Variants in ABHD12 observed in about 807,000 individuals in gnomAD.
ABHD12 encodes abhydrolase domain containing 12, lysophospholipase.
Under a neutral mutation model 58.3 loss-of-function variants are expected in ABHD12, and 43 were observed. That is an observed-to-expected ratio of 0.74 (90% CI 0.58 to 0.95). The LOEUF is 0.95. ABHD12 is among the 40% of genes least tolerant of loss of function. ABHD12 has a pLI of 0.00. For missense variants in ABHD12, 539 were observed against 537.2 expected (o/e 1.00, Z -0.03); for synonymous variants, 219 against 211.2 (o/e 1.04, Z -0.32).
At chr20:25,305,042 T>C (rs1379284609) in intron 10 of ABHD12, among the ~76,000 whole-genome samples, 1 of 152,074 alleles carries the variant, frequency 6.6e-6, no homozygotes, top group Non-Finnish European at 1.5e-5. Flanking sequence ...CTGGCTAATT[T>C]TGCATTTTCA....
At chr20:25,313,908 G>A (rs1008288279) in intron 6 of ABHD12, among the ~76,000 whole-genome samples, 1 of 152,024 alleles carries the variant, frequency 6.6e-6, no homozygotes. Flanking sequence ...TTGTTCAGTG[G>A]CAAGCCCTGG....
chr20:25,384,333 G>GT (rs557779532), intron 1 of ABHD12, among the ~76,000 whole-genome samples: 21 of 145,162 alleles, frequency 1.4e-4, no homozygotes, highest in South Asian at 2.2e-4. Context: ...CTGGTTTGGG[G>GT]TTTTTTTTTT....
At chr20:25,311,476 C>T (rs1049641318) in intron 6 of ABHD12, among the ~76,000 whole-genome samples, 2 of 152,236 alleles carry the variant, frequency 1.3e-5, no homozygotes, top group Admixed American at 6.5e-5. Context: ...AACTGCAAGA[C>T]GCTACATGTG....
chr20:25,375,109 A>AG (rs2089946596), intron 1 of ABHD12, among the ~76,000 whole-genome samples: 2 of 152,228 alleles, frequency 1.3e-5, no homozygotes, highest in Admixed American at 6.5e-5. Context: ...CCACACACAG[A>AG]GGTTAGACCA....
At chr20:25,304,724 C>T (rs531478319) in intron 10 of ABHD12, among the ~76,000 whole-genome samples, 4 of 152,048 alleles carry the variant, frequency 2.6e-5, no homozygotes, top group Non-Finnish European at 5.9e-5. Flanking sequence ...TGCACCACCA[C>T]GCCTGGCTAA....
downstream of ABHD12, chr20:25,296,504 C>T (rs1330234122): frequency 1.9e-6 from 3 of 1,613,482 alleles, no homozygotes; most frequent in East Asian, 2.2e-5. Flanking sequence ...TCCCGCCCCC[C>T]AACATCCCCC....
At chr20:25,358,302 T>C (rs2089695449) in intron 1 of ABHD12, among the ~76,000 whole-genome samples, 1 of 152,188 alleles carries the variant, frequency 6.6e-6, no homozygotes, top group Non-Finnish European at 1.5e-5. Context: ...AAATAAACGA[T>C]GAGCCCATTT....
chr20:25,364,628 C>T (rs1203534455), intron 1 of ABHD12, among the ~76,000 whole-genome samples: 3 of 152,192 alleles, frequency 2.0e-5, no homozygotes, highest in Non-Finnish European at 4.4e-5. Context: ...CCAAACAAAC[C>T]ATATCTAAAC....
At chr20:25,311,500 C>T (rs1332244394) in intron 6 of ABHD12, among the ~76,000 whole-genome samples, 1 of 152,214 alleles carries the variant, frequency 6.6e-6, no homozygotes, top group Non-Finnish European at 1.5e-5. Flanking sequence ...TGGTTTAAAG[C>T]ACTGTTTGTG....
intron 1 of ABHD12, among the ~76,000 whole-genome samples, chr20:25,349,385 C>T (rs973511939): frequency 6.6e-6 from 1 of 152,074 alleles, no homozygotes; most frequent in African/African-American, 2.4e-5. Context: ...TTCCACTCCT[C>T]GATATATACT....
At chr20:25,336,512 T>C (rs1383716665) in intron 2 of ABHD12, among the ~76,000 whole-genome samples, 1 of 152,212 alleles carries the variant, frequency 6.6e-6, no homozygotes, top group African/African-American at 2.4e-5. Context: ...TTGCTACTTT[T>C]CCTGTAATGT....
At chr20:25,320,459 G>T (rs2089045895) in intron 3 of ABHD12, 141 bp from the exon 4 acceptor site, 1 of 1,107,464 alleles carries the variant, frequency 9.0e-7, no homozygotes, top group Non-Finnish European at 1.3e-6. Flanking sequence ...GGGAACAGAT[G>T]GGGGTGGGTG....
downstream of ABHD12, among the ~76,000 whole-genome samples, chr20:25,298,219 C>T (rs1472510466): frequency 6.6e-6 from 1 of 152,138 alleles, no homozygotes; most frequent in Admixed American, 6.5e-5. Context: ...AAGTTTGCAT[C>T]TCCACTAGGT....
chr20:25,318,247 T>C (rs1474624780), intron 4 of ABHD12, among the ~76,000 whole-genome samples: 1 of 152,140 alleles, frequency 6.6e-6, no homozygotes, highest in East Asian at 1.9e-4. Flanking sequence ...CTCAGGAGGC[T>C]GAGGTTGCAG....
rs1174218845 is a variant in ABHD12 at position 25,300,891 on chromosome 20, C to A, written c.1158-7G>T. 2 of 1,613,732 alleles carry A rather than the reference C, an allele frequency of 1.2e-6. No individual in the cohort carries two copies. Among genetic ancestry groups the A allele is most frequent in the Non-Finnish European group, 1.7e-6 (2 of 1,179,780 alleles). On this transcript the variant is annotated splice_region_variant and splice_polypyrimidine_tract_variant and intron_variant, in intron 12 of 12. Transcript: ENST00000339157. ...CGACTTCCCCAGGAATTCCCTAGAC[C>A]ACAGGACAATCAGGAGCCAATCATT... is the stretch of plus-strand genomic sequence containing the variant.
chr20:25,369,144 C>A (rs1363655119), intron 1 of ABHD12, among the ~76,000 whole-genome samples: 5 of 151,984 alleles, frequency 3.3e-5, no homozygotes, highest in Non-Finnish European at 7.4e-5. Context: ...AATTAGCCAT[C>A]CTAATTGGTG....
At chr20:25,295,762 A>AT (rs1429180165), downstream of ABHD12, 1 of 1,407,320 alleles carries the variant, frequency 7.1e-7, no homozygotes, top group Non-Finnish European at 1.0e-6. Flanking sequence ...AGCTGAGTAG[A>AT]TTCTTGGCCT....
At chr20:25,348,804 C>T (rs1314246102) in intron 1 of ABHD12, among the ~76,000 whole-genome samples, 4 of 152,090 alleles carry the variant, frequency 2.6e-5, no homozygotes, top group South Asian at 2.1e-4. Context: ...TAGATATTGG[C>T]GGTTGCGGTG....
intron 2 of ABHD12, among the ~76,000 whole-genome samples, chr20:25,329,354 G>A (rs544967268): frequency 5.3e-5 from 8 of 152,300 alleles, no homozygotes; most frequent in South Asian, 4.1e-4. Context: ...ACAGGCCCCC[G>A]CACCATGGGC....
Sources: gnomAD v4.1 joint callset for allele counts (sites outside exome capture counted in the v4.1 genomes callset) on GRCh38, gnomAD v4.1.1 for gene constraint, MANE v1.5 for transcripts, NCBI Gene and HGNC (gene_info 2026-07-23, HGNC 2026-07-21) for gene names.